Variants in CARMIL1 observed in about 807,000 individuals in gnomAD.
The protein encoded by CARMIL1 is F-actin-uncapping protein LRRC16A.
A neutral mutation model predicts 177.1 loss-of-function variants in CARMIL1; 90 were observed. That is an observed-to-expected ratio of 0.51 (90% CI 0.43 to 0.61). The LOEUF is 0.61. Ranked by LOEUF, CARMIL1 falls within the 20% of genes least tolerant of loss-of-function variation. The pLI is 0.00. For missense variants in CARMIL1, 1,380 were observed against 1,667.0 expected, an observed-to-expected ratio of 0.83 and a Z score of 3.00; for synonymous variants, 577 against 606.2, an observed-to-expected ratio of 0.95 and a Z score of 0.71.
At chr6:25,415,593 G>A (rs115418111) in intron 2 of CARMIL1, among the ~76,000 whole-genome samples, 3,432 of 152,004 alleles carry the variant, frequency 0.023, 116 homozygotes, top group African/African-American at 0.072. Flanking sequence ...AGTTGTTTGG[G>A]TGCATGTTTG....
chr6:25,304,919 A>G (rs2690124), intron 2 of CARMIL1, among the ~76,000 whole-genome samples: 9,988 of 152,254 alleles, frequency 0.066, 448 homozygotes, highest in African/African-American at 0.14. Flanking sequence ...TCTATGTCCT[A>G]GGATTGAGTA....
intron 2 of CARMIL1, among the ~76,000 whole-genome samples, chr6:25,404,360 C>T (rs1198573221): frequency 6.6e-6 from 1 of 152,236 alleles, no homozygotes; most frequent in Non-Finnish European, 1.5e-5. Context: ...ATGGGTTTTG[C>T]AGCAGGGCTG....
intron 23 of CARMIL1, among the ~76,000 whole-genome samples, chr6:25,522,692 C>T (rs1360138189): frequency 6.6e-6 from 1 of 152,200 alleles, no homozygotes; most frequent in Non-Finnish European, 1.5e-5. Flanking sequence ...ATTTAAGTTA[C>T]CTGGCTCCAT....
chr6:25,322,882 G>T (rs1323934874), intron 2 of CARMIL1, among the ~76,000 whole-genome samples: 1 of 152,206 alleles, frequency 6.6e-6, no homozygotes, highest in Non-Finnish European at 1.5e-5. Flanking sequence ...GTGGCATTCC[G>T]CACAGTCTGA....
At chr6:25,500,117 TGGGCA>T (rs1582159480) in intron 16 of CARMIL1, 44 bp from the exon 17 acceptor site, 2 of 1,542,274 alleles carry the variant, frequency 1.3e-6, no homozygotes, top group Admixed American at 1.7e-5. Context: ...TTTTTTCTTT[TGGGCA>T]GTGTGTGGAA....
rs1812665491 is a variant in CARMIL1, at chr6:25,577,187, G to A, written c.2743-3737G>A. 1.1e-5 allele frequency: 10 copies of A among 910,460 alleles called. No homozygotes were observed. Among genetic ancestry groups the A allele is most frequent in the South Asian group, 5.1e-5 (1 of 19,704 alleles). 56.4% of individuals were successfully genotyped at this position (910,460 alleles called of 1,614,324 possible). ...CAAGATGGTTCAGCTAGCAAAACAGGCGATGAATTTAAAATATCTCCAGCC... is the reference window on the plus strand; with the variant it reads ...CAAGATGGTTCAGCTAGCAAAACAGACGATGAATTTAAAATATCTCCAGCC... On this transcript the variant is annotated intron_variant, in intron 29 of 36. Coordinates refer to ENST00000329474, the MANE Select transcript of CARMIL1 (RefSeq NM_017640.6). The surrounding 1 kb of genome is among the most constrained non-coding windows in gnomAD (Gnocchi z 4.5).
At chr6:25,409,789 A>G (rs575367496) in intron 2 of CARMIL1, among the ~76,000 whole-genome samples, 69 of 152,254 alleles carry the variant, frequency 4.5e-4, no homozygotes, top group Non-Finnish European at 7.2e-4. Flanking sequence ...TTGTGAAATA[A>G]TGCTCATGTT....
At position 25,472,418 on chromosome 6, in the gene CARMIL1, T is replaced by G. The variant is rs1437407126; in HGVS notation, c.780-9T>G. 1.3e-6 allele frequency: 2 copies of G among 1,543,748 alleles called. No individual in the cohort carries two copies. The highest frequency in any genetic ancestry group is 3.8e-5 in the Admixed American group (2 of 52,232). ...TGTTATTTAATCTTATTGTTTTGTT[T>G]ACACGCAGAGATTTTGCACAAAAAC... On this transcript the variant is annotated splice_polypyrimidine_tract_variant and intron_variant, in intron 10 of 36. Coordinates refer to ENST00000329474, the MANE Select transcript of CARMIL1 (RefSeq NM_017640.6).
intron 2 of CARMIL1, among the ~76,000 whole-genome samples, chr6:25,291,327 T>A (rs189762200): frequency 1.8e-3 from 279 of 152,286 alleles, no homozygotes; most frequent in Non-Finnish European, 2.7e-3. Context: ...GCTTTTTTTT[T>A]AAGAGGACAT....
intron 23 of CARMIL1, 67 bp from the exon 24 acceptor site, chr6:25,528,728 T>G: frequency 2.5e-6 from 3 of 1,186,542 alleles, no homozygotes; most frequent in Non-Finnish European, 2.5e-6. Flanking sequence ...ACTGACTGTT[T>G]CACTTATACT....
Position 25,497,672 on chromosome 6 carries a change from G to A in CARMIL1, c.1325+2457G>A, listed in dbSNP as rs552262187. ...TCCACCTTCAACTGCAGAAACCCTT[G>A]TTTCTCTAAGGGTTTGGGATTAGTA... On this transcript the variant is annotated intron_variant, in intron 16 of 36. Coordinates refer to ENST00000329474, the MANE Select transcript of CARMIL1 (RefSeq NM_017640.6). Among the ~76,000 whole-genome samples the A allele has an allele frequency of 1.2e-3, 181 of 152,270 alleles. 3 individuals are homozygous for A. Among genetic ancestry groups the A allele is most frequent in the Non-Finnish European group, 2.0e-3 (137 of 68,010 alleles).
intron 2 of CARMIL1, among the ~76,000 whole-genome samples, chr6:25,384,982 AC>A (rs1562066221): frequency 6.6e-6 from 1 of 152,188 alleles, no homozygotes; most frequent in Non-Finnish European, 1.5e-5. Flanking sequence ...TTTATCGAGT[AC>A]CTATTATGTG....
At chr6:25,458,404 G>A (rs1799719631) in intron 8 of CARMIL1, among the ~76,000 whole-genome samples, 2 of 143,718 alleles carry the variant, frequency 1.4e-5, no homozygotes, top group African/African-American at 5.2e-5. Flanking sequence ...CAGGAGAATT[G>A]CTTGAATCGG....
chr6:25,325,144 C>T (rs1784969482), intron 2 of CARMIL1, among the ~76,000 whole-genome samples: 1 of 152,076 alleles, frequency 6.6e-6, no homozygotes, highest in South Asian at 2.1e-4. Flanking sequence ...TTGCTTAGAC[C>T]TCAGATGTTG....
intron 8 of CARMIL1, among the ~76,000 whole-genome samples, chr6:25,464,575 T>G (rs76507941): frequency 1.3e-5 from 2 of 152,334 alleles, no homozygotes; most frequent in East Asian, 3.9e-4. Flanking sequence ...AATCTGAGTA[T>G]CTGCTACTTG....
At chr6:25,450,557 A>G (rs1369492143) in intron 7 of CARMIL1, 81 bp from the exon 8 acceptor site, 10 of 1,059,622 alleles carry the variant, frequency 9.4e-6, no homozygotes, top group Non-Finnish European at 1.4e-5. Flanking sequence ...TGCCATTGTC[A>G]TTGTCTAATT....
At chr6:25,410,617 G>C (rs6456679) in intron 2 of CARMIL1, among the ~76,000 whole-genome samples, 81,638 of 151,824 alleles carry the variant, frequency 0.54, 22,696 homozygotes, top group South Asian at 0.64. Context: ...GGACTTTTGC[G>C]CCCTAGGCTT....
Position 25,486,702 on chromosome 6 carries a change from T to C in CARMIL1, c.962-1780T>C, listed in dbSNP as rs1366468220. Among the ~76,000 whole-genome samples, 3 of 152,214 alleles carry C rather than the reference T, an allele frequency of 2.0e-5. No individual in the cohort carries two copies. In the East Asian group the frequency reaches 5.8e-4, roughly 29 times the overall value. ...CAATTAATCAAATTTCCTCCTCCTC[T>C]ACTGCCAAGCTTTTGTTCTTGCCCC... On this transcript the variant is annotated intron_variant, in intron 12 of 36. Coordinates refer to ENST00000329474, the MANE Select transcript of CARMIL1 (RefSeq NM_017640.6).
At chr6:25,338,125 C>A (rs530293127) in intron 2 of CARMIL1, among the ~76,000 whole-genome samples, 1 of 152,022 alleles carries the variant, frequency 6.6e-6, no homozygotes, top group East Asian at 1.9e-4. Flanking sequence ...GGCGTGGTGG[C>A]GCATGCCTAT....
Sources: gnomAD v4.1 joint callset for allele counts (sites outside exome capture counted in the v4.1 genomes callset) on GRCh38, gnomAD v4.1.1 for gene constraint, Gnocchi (gnomAD v3.1) non-coding constraint, MANE v1.5 for transcripts, NCBI Gene and HGNC (gene_info 2026-07-23, HGNC 2026-07-21) for gene names.